The following LINGO1 variants were observed in gnomAD, a reference collection of about 807,000 sequenced individuals.
LINGO1 encodes leucine rich repeat and Ig domain containing 1.
Under a neutral mutation model 37.3 loss-of-function variants are expected in LINGO1, and 11 were observed. The observed-to-expected ratio is 0.29, with a 90% CI of 0.19 to 0.49. LINGO1 has a LOEUF of 0.49. LINGO1 is among the 20% of genes least tolerant of loss of function. The probability of loss-of-function intolerance (pLI) is 0.99; values close to 1 mark genes in which losing one functional copy is unlikely to be tolerated. For synonymous variants in LINGO1, 387 were observed against 403.0 expected (o/e 0.96, Z 0.48); for missense variants, 585 against 878.2 (o/e 0.67, Z 4.22).
chr15:77,699,186 C>A (rs895621510), upstream of LINGO1, among the ~76,000 whole-genome samples: 3 of 151,940 alleles, frequency 2.0e-5, no homozygotes, highest in African/African-American at 7.3e-5. Flanking sequence ...CTTGGTAGTC[C>A]CCTCGTTTCC....
intron 1 of LINGO1, among the ~76,000 whole-genome samples, chr15:77,744,463 G>A (rs2076293819): frequency 6.6e-6 from 1 of 152,186 alleles, no homozygotes; most frequent in African/African-American, 2.4e-5. Flanking sequence ...GAGCCCGGGA[G>A]GTTGAGGCTG....
intron 1 of LINGO1, chr15:77,785,027 G>A (rs559698017): frequency 6.6e-6 from 1 of 152,376 alleles, no homozygotes; most frequent in South Asian, 2.1e-4. Flanking sequence ...AGCATGATGT[G>A]TGGAGTTCGA....
At chr15:77,644,405 G>A (rs1388590793) in intron 3 of LINGO1, among the ~76,000 whole-genome samples, 1 of 152,228 alleles carries the variant, frequency 6.6e-6, no homozygotes, top group African/African-American at 2.4e-5. Context: ...TGGCTGCCCT[G>A]AGCCTGCACG....
At chr15:77,632,967 C>G (rs2074311610), upstream of LINGO1, among the ~76,000 whole-genome samples, 1 of 125,288 alleles carries the variant, frequency 8.0e-6, no homozygotes, top group East Asian at 2.8e-4. This position sits in a 1 kb window ranked among gnomAD's most constrained non-coding sequence, Gnocchi z 6.0. Flanking sequence ...GAGTGAGCCG[C>G]GGGAGCCGGG....
At chr15:77,622,491 G>A (rs1020193964) in intron 1 of LINGO1, among the ~76,000 whole-genome samples, 1 of 152,152 alleles carries the variant, frequency 6.6e-6, no homozygotes, top group East Asian at 1.9e-4. Flanking sequence ...GCTGGGGAGG[G>A]AGACTCAGAA....
intron 1 of LINGO1, among the ~76,000 whole-genome samples, chr15:77,770,995 C>T (rs1425171036): frequency 1.3e-5 from 2 of 152,170 alleles, no homozygotes; most frequent in East Asian, 3.9e-4. Flanking sequence ...GAAAGCTGAA[C>T]CCCACCTCTG....
At chr15:77,726,332 C>T (rs1003485429) in intron 2 of LINGO1, among the ~76,000 whole-genome samples, 1 of 152,244 alleles carries the variant, frequency 6.6e-6, no homozygotes, top group Non-Finnish European at 1.5e-5. Context: ...CTGCCTCCCC[C>T]ACAGGCACCC....
At chr15:77,658,467 G>A (rs551589521) in intron 3 of LINGO1, among the ~76,000 whole-genome samples, 3 of 152,372 alleles carry the variant, frequency 2.0e-5, no homozygotes, top group African/African-American at 4.8e-5. Context: ...CTGGGCAAGG[G>A]GGACTCAGTG....
intron 3 of LINGO1, among the ~76,000 whole-genome samples, chr15:77,661,160 C>G (rs895715802): frequency 2.6e-5 from 4 of 152,150 alleles, no homozygotes; most frequent in African/African-American, 9.7e-5. Flanking sequence ...AGGAGCCAGC[C>G]AGGTTGCAGG....
chr15:77,620,494 G>T (rs1001429836), intron 1 of LINGO1, among the ~76,000 whole-genome samples: 1 of 152,228 alleles, frequency 6.6e-6, no homozygotes, highest in Non-Finnish European at 1.5e-5. Context: ...GGGCAGATAC[G>T]GCCTGGTTCA....
intron 3 of LINGO1, among the ~76,000 whole-genome samples, chr15:77,664,168 T>TGTGTGTGTGC (rs1555527586): frequency 5.0e-5 from 6 of 120,262 alleles, no homozygotes; most frequent in African/African-American, 2.6e-4. Flanking sequence ...TGTGTGTGTG[T>TGTGTGTGTGC]GTGCGCGCGC....
chr15:77,748,909 CTTTTTTTTTTT>C (rs67399483), intron 1 of LINGO1, among the ~76,000 whole-genome samples: 1 of 87,786 alleles, frequency 1.1e-5, no homozygotes, highest in African/African-American at 4.3e-5. Context: ...CCTTCCTTCT[CTTTTTTTTTTT>C]TTTTTTTTTT....
At chr15:77,808,739 G>A (rs971000690) in intron 1 of LINGO1, among the ~76,000 whole-genome samples, 5 of 152,180 alleles carry the variant, frequency 3.3e-5, no homozygotes, top group Non-Finnish European at 7.3e-5. Flanking sequence ...TTCCTCATCT[G>A]TTAAATGGGG....
At chr15:77,712,028 G>A (rs1260654060) in intron 2 of LINGO1, among the ~76,000 whole-genome samples, 1 of 152,136 alleles carries the variant, frequency 6.6e-6, no homozygotes, top group Non-Finnish European at 1.5e-5. Context: ...GACCTAAGAG[G>A]TGGCTGTGCC....
chr15:77,654,203 T>A (rs2074820537), intron 3 of LINGO1, among the ~76,000 whole-genome samples: 1 of 152,186 alleles, frequency 6.6e-6, no homozygotes, highest in Admixed American at 6.5e-5. Context: ...GGAGTGGATA[T>A]CCCGTGCTTG....
chr15:77,701,053 T>G (rs1189267856), upstream of LINGO1, among the ~76,000 whole-genome samples: 19 of 152,184 alleles, frequency 1.2e-4, 1 homozygote, highest in Admixed American at 1.2e-3. Flanking sequence ...GGGATAGGTG[T>G]TCTTATTCCC....
chr15:77,682,084 T>C (rs1020731200), intron 2 of LINGO1, among the ~76,000 whole-genome samples: 1 of 151,860 alleles, frequency 6.6e-6, no homozygotes, highest in African/African-American at 2.4e-5. Flanking sequence ...AAAACCACAG[T>C]GGTGAGGTTG....
chr15:77,664,944 CAT>C (rs1306841973), intron 3 of LINGO1, among the ~76,000 whole-genome samples: 1 of 152,174 alleles, frequency 6.6e-6, no homozygotes, highest in African/African-American at 2.4e-5. Context: ...CAGCTGTACA[CAT>C]ATGACACACA....
At chr15:77,682,277 A>AATGTGTGTGTGTGTGTGTGT (rs1555529992) in intron 2 of LINGO1, among the ~76,000 whole-genome samples, 1 of 139,832 alleles carries the variant, frequency 7.2e-6, no homozygotes, top group Non-Finnish European at 1.5e-5. Flanking sequence ...TAGAGATTAA[A>AATGTGTGTGTGTGTGTGTGT]GTGTGTGTGT....
Sources: allele counts gnomAD v4.1 joint callset (sites outside exome capture counted in the v4.1 genomes callset), GRCh38; gene constraint gnomAD v4.1.1; non-coding constraint Gnocchi (gnomAD v3.1); transcripts MANE v1.5; gene names NCBI Gene and HGNC (gene_info 2026-07-23, HGNC 2026-07-21).